The following RP1 variants were observed in gnomAD, a reference collection of about 807,000 sequenced individuals.
RP1 encodes RP1 axonemal microtubule associated, also known as oxygen-regulated protein 1.
In RP1, 16 loss-of-function variants were observed where a neutral mutation model predicts 14.8. The ratio of observed to expected loss-of-function variants is 1.08; its 90% CI spans 0.73 to 1.65. The LOEUF (loss-of-function observed/expected upper bound fraction) is 1.65. RP1 is among the 40% of genes most tolerant of loss of function. The pLI is 0.00. For synonymous variants in RP1, 876 were observed against 883.6 expected (o/e 0.99, Z 0.15); for missense variants, 2,631 against 2,535.0 (o/e 1.04, Z -0.81).
intron 24 of RP1, among the ~76,000 whole-genome samples, chr8:54,833,564 T>C (rs1025141287): frequency 1.3e-5 from 2 of 152,054 alleles, no homozygotes; most frequent in Non-Finnish European, 2.9e-5. Flanking sequence ...ATATGACTGC[T>C]ATGTTAGAAA....
intron 7 of RP1, among the ~76,000 whole-genome samples, chr8:54,670,993 T>C (rs753712297): frequency 6.6e-6 from 1 of 152,000 alleles, no homozygotes; most frequent in Non-Finnish European, 1.5e-5. Flanking sequence ...TATTTCAACT[T>C]GAAGGACTTC....
intron 12 of RP1, among the ~76,000 whole-genome samples, chr8:54,691,664 CT>C (rs1195333342): frequency 6.6e-6 from 1 of 151,886 alleles, no homozygotes; most frequent in Non-Finnish European, 1.5e-5. Context: ...CTAGGAACAC[CT>C]TTGAGTGAAG....
At chr8:54,562,646 C>A (rs1312661960) in intron 1 of RP1, among the ~76,000 whole-genome samples, 1 of 151,546 alleles carries the variant, frequency 6.6e-6, no homozygotes, top group African/African-American at 2.4e-5. Context: ...GGCACTCTAG[C>A]CTGGGTGACA....
At position 54,603,547 on chromosome 8, in the gene RP1, G is replaced by A. The variant is rs1238456636; in HGVS notation, c.-12-17408G>A. Among the ~76,000 whole-genome samples the A allele has an allele frequency of 2.7e-5, 4 of 148,768 alleles. No individual in the cohort carries two copies. In the East Asian group the frequency reaches 7.7e-4, roughly 29 times the overall value. On this transcript the variant is annotated intron_variant, in intron 1 of 22. Transcript: ENST00000636932. ...CTCTTTTTTGGTTCCATATGAACTTGAAAGTAGTTTTTTCCAATTCTGTGA... is the reference window on the plus strand; with the variant it reads ...CTCTTTTTTGGTTCCATATGAACTTAAAAGTAGTTTTTTCCAATTCTGTGA...
chr8:54,695,327 TA>T (rs1807833147), intron 12 of RP1, among the ~76,000 whole-genome samples: 1 of 152,142 alleles, frequency 6.6e-6, no homozygotes, highest in Non-Finnish European at 1.5e-5. Context: ...GTTGATGAGA[TA>T]GTCTTACGTG....
At chr8:54,630,864 G>C, downstream of RP1, 1 of 983,080 alleles carries the variant, frequency 1.0e-6, no homozygotes, top group Non-Finnish European at 1.2e-6. Context: ...CAGTTCCTCA[G>C]AATATCCAGT....
Position 54,627,229 on chromosome 8 carries a change from C to G in RP1, c.3347C>G (p.Pro1116Arg), listed in dbSNP as rs761263114. 1.2e-6 allele frequency: 2 copies of G among 1,614,042 alleles called. No homozygotes were observed. Among genetic ancestry groups the G allele is most frequent in the East Asian group, 2.2e-5 (1 of 44,888 alleles). The change falls in exon 4 of 4, where the codon CCC (proline) becomes CGC (arginine). Residue 1116 changes from proline to arginine, a missense_variant. Pro to Arg is a moderately radical substitution (Grantham distance 103). Coordinates refer to ENST00000220676, the MANE Select transcript of RP1 (RefSeq NM_006269.2). ...ATGCCAGGTTCACTTGCAGGTGTTC[C>G]CTTTCATTCTGCAATATGTAATTCA... ...VQMPGSLAGV[P>R]FHSAICNSST... is the part of the protein sequence containing the mutation.
chr8:54,783,489 C>A, intron 23 of RP1: 1 of 855,108 alleles, frequency 1.2e-6, no homozygotes, highest in East Asian at 3.3e-5. Context: ...CCTTATTTTC[C>A]TAATATTAAT....
intron 1 of RP1, among the ~76,000 whole-genome samples, chr8:54,606,515 T>C (rs1220252620): frequency 1.3e-5 from 2 of 152,194 alleles, no homozygotes; most frequent in African/African-American, 4.8e-5. Flanking sequence ...CTGACAATTA[T>C]GTGTCTTGGA....
intron 25 of RP1, among the ~76,000 whole-genome samples, chr8:54,850,950 GT>G (rs1482851498): frequency 6.6e-6 from 1 of 152,108 alleles, no homozygotes; most frequent in Non-Finnish European, 1.5e-5. Flanking sequence ...TTTTGACTCG[GT>G]TTGAGAATAA....
rs761301424 is a variant in RP1 at position 54,630,033 on chromosome 8, A to G, written c.6151A>G (p.Thr2051Ala). 1 of 1,613,984 alleles carries G rather than the reference A, an allele frequency of 6.2e-7. No individual in the cohort carries two copies. Among genetic ancestry groups the G allele is most frequent in the Non-Finnish European group, 8.5e-7 (1 of 1,179,886 alleles). ...AGTTGTGGGTAATGTGGATTCAAAT[A>G]CACAAGACCTCAGCGGTCAGACAAA... is the stretch of plus-strand genomic sequence containing the variant. ...LLVVGNVDSN[T>A]QDLSGQTNEI... is the part of the protein sequence containing the mutation. The change falls in exon 4 of 4, where the codon ACA becomes GCA. Residue 2051 changes from threonine (T) to alanine (A), a missense_variant. Coordinates refer to ENST00000220676, the MANE Select transcript of RP1 (RefSeq NM_006269.2).
intron 4 of RP1, among the ~76,000 whole-genome samples, chr8:54,650,174 C>CT (rs1563337935): frequency 6.6e-6 from 1 of 152,094 alleles, no homozygotes; most frequent in South Asian, 2.1e-4. Flanking sequence ...TTTGATGCTT[C>CT]TTTTTTCTGA....
At chr8:54,673,816 T>A in intron 7 of RP1, 1 of 1,460,548 alleles carries the variant, frequency 6.8e-7, no homozygotes, top group Non-Finnish European at 9.3e-7. Context: ...AGAGTTATAG[T>A]CTAGATCTAA....
In RP1 at chr8:54,762,960, G is replaced by A. The variant is rs78012034; in HGVS notation, c.3248+3884G>A. ...TTTTGTAAGGACACTGTCGTCATTG[G>A]ACTAGACCCATCCTACTCCAGTATG... On this transcript the variant is annotated intron_variant, in intron 22 of 22. Transcript: ENST00000636932. Among the ~76,000 whole-genome samples, 1,030 of 152,198 alleles carry A rather than the reference G, an allele frequency of 6.8e-3. 13 individuals are homozygous for A. Among genetic ancestry groups the A allele is most frequent in the African/African-American group, 0.024 (977 of 41,522 alleles).
chr8:54,605,667 G>A (rs1805417973), intron 1 of RP1, among the ~76,000 whole-genome samples: 1 of 152,022 alleles, frequency 6.6e-6, no homozygotes, highest in Non-Finnish European at 1.5e-5. Flanking sequence ...TTATTGTGTG[G>A]GAGTCTAAGT....
chr8:54,620,409 C>T (rs1805826691), intron 1 of RP1, among the ~76,000 whole-genome samples: 1 of 152,194 alleles, frequency 6.6e-6, no homozygotes, highest in African/African-American at 2.4e-5. Flanking sequence ...ATAGGTTATT[C>T]CATAAAGCCT....
intron 4 of RP1, chr8:54,649,226 C>A: frequency 9.0e-7 from 1 of 1,114,488 alleles, no homozygotes; most frequent in South Asian, 2.7e-5. Context: ...CATAGTCTAT[C>A]CCTTTAGTAA....
intron 17 of RP1, among the ~76,000 whole-genome samples, chr8:54,727,528 T>C (rs1808685586): frequency 6.6e-6 from 1 of 152,122 alleles, no homozygotes; most frequent in African/African-American, 2.4e-5. Flanking sequence ...ATATGTCTTA[T>C]GAAAATTTGT....
intron 6 of RP1, among the ~76,000 whole-genome samples, chr8:54,662,929 G>T (rs923728018): frequency 2.6e-5 from 4 of 152,148 alleles, no homozygotes; most frequent in Non-Finnish European, 5.9e-5. Context: ...TAGAACTCTT[G>T]ATTGGATTTC....
Sources: gnomAD v4.1 joint callset for allele counts (sites outside exome capture counted in the v4.1 genomes callset) on GRCh38, gnomAD v4.1.1 for gene constraint, MANE v1.5 for transcripts, NCBI Gene and HGNC (gene_info 2026-07-23, HGNC 2026-07-21) for gene names.